Variants in CSMD1 observed in about 807,000 individuals in gnomAD.
CSMD1 encodes the protein CUB and Sushi multiple domains 1, also known as CUB and sushi domain-containing protein 1.
In CSMD1, 213 loss-of-function variants were observed where a neutral mutation model predicts 417.5. That is an observed-to-expected ratio of 0.51 (90% CI 0.46 to 0.57). The LOEUF (loss-of-function observed/expected upper bound fraction) is 0.57. Among genes scored for constraint, CSMD1 ranks in the 20% least tolerant of loss-of-function variants. CSMD1 has a pLI of 0.00. For synonymous variants in CSMD1, 2,862 were observed against 1,736.8 expected (o/e 1.65, Z -16.11); for missense variants, 6,923 against 4,529.7 (o/e 1.53, Z -15.17).
chr8:3,552,453 G>T (rs893423212), intron 10 of CSMD1, among the ~76,000 whole-genome samples: 1 of 152,186 alleles, frequency 6.6e-6, no homozygotes, highest in Non-Finnish European at 1.5e-5. Context: ...TTGTTAGGCA[G>T]TTATAAAGCT....
In CSMD1 at chr8:3,315,078, C is replaced by G. The variant is rs1221308351; in HGVS notation, c.3632-6575G>C. On this transcript the variant is annotated intron_variant, in intron 23 of 69. Coordinates refer to ENST00000635120, the MANE Select transcript of CSMD1 (RefSeq NM_033225.6). ...TGAAGTATTTACAAAAACATACTAT[C>G]TATCTGTTAATTTTACCTAAGACAT... is the stretch of plus-strand genomic sequence containing the variant. 5.3e-5 allele frequency among the ~76,000 whole-genome samples: 8 copies of G among 152,266 alleles called. No individual in the cohort carries two copies. In the East Asian group the frequency reaches 9.6e-4, roughly 18 times the overall value.
intron 10 of CSMD1, among the ~76,000 whole-genome samples, chr8:3,562,417 A>T (rs13273781): frequency 6.9e-6 from 1 of 145,330 alleles, no homozygotes; most frequent in Non-Finnish European, 1.5e-5. Flanking sequence ...CACATGCACA[A>T]ACACACATGC....
intron 1 of CSMD1, among the ~76,000 whole-genome samples, chr8:4,930,816 T>A (rs890443565): frequency 2.0e-5 from 3 of 152,220 alleles, no homozygotes; most frequent in Non-Finnish European, 2.9e-5. Flanking sequence ...TACATTTATT[T>A]GATGTGTGAC....
intron 5 of CSMD1, among the ~76,000 whole-genome samples, chr8:3,766,206 C>T (rs747429170): frequency 6.8e-4 from 103 of 152,176 alleles, no homozygotes; most frequent in Non-Finnish European, 3.5e-4. Context: ...GAGGCCAGCA[C>T]AGTGGTGCGC....
intron 1 of CSMD1, among the ~76,000 whole-genome samples, chr8:4,898,810 T>C (rs1055735460): frequency 3.3e-5 from 5 of 152,172 alleles, no homozygotes; most frequent in Non-Finnish European, 7.3e-5. Flanking sequence ...ATATTTATAT[T>C]TTCTATTAAT....
At chr8:4,053,105 G>C (rs2740887) in intron 3 of CSMD1, among the ~76,000 whole-genome samples, 1 of 152,048 alleles carries the variant, frequency 6.6e-6, no homozygotes, top group African/African-American at 2.4e-5. Flanking sequence ...GGGCTGATAC[G>C]AGGACCCCTT....
intron 10 of CSMD1, among the ~76,000 whole-genome samples, chr8:3,564,372 A>T (rs1229299273): frequency 6.6e-6 from 1 of 152,150 alleles, no homozygotes; most frequent in Non-Finnish European, 1.5e-5. Context: ...TCCTACACAA[A>T]CCTAGACATT....
intron 2 of CSMD1, among the ~76,000 whole-genome samples, chr8:4,550,329 GCACACACACACACA>G (rs35196172): frequency 4.3e-5 from 6 of 139,712 alleles, no homozygotes; most frequent in Admixed American, 1.5e-4. Context: ...ATACACACAC[GCACACACACACACA>G]CACACACACA....
intron 21 of CSMD1, among the ~76,000 whole-genome samples, chr8:3,349,354 A>G (rs1313603489): frequency 3.3e-5 from 5 of 152,192 alleles, no homozygotes; most frequent in Non-Finnish European, 7.3e-5. Flanking sequence ...TCCACTTGCC[A>G]GCAGGAAGTT....
At chr8:3,291,138 C>T (rs1351149405) in intron 25 of CSMD1, among the ~76,000 whole-genome samples, 5 of 152,068 alleles carry the variant, frequency 3.3e-5, no homozygotes, top group South Asian at 2.1e-4. Flanking sequence ...TATTGATTTT[C>T]GTATGTTGAA....
At chr8:3,657,612 G>A (rs1798194601) in intron 7 of CSMD1, among the ~76,000 whole-genome samples, 1 of 152,020 alleles carries the variant, frequency 6.6e-6, no homozygotes, top group African/African-American at 2.4e-5. Flanking sequence ...ACCAAACACT[G>A]CATATTCTCA....
intron 6 of CSMD1, among the ~76,000 whole-genome samples, chr8:3,728,377 C>T (rs1802621342): frequency 6.6e-6 from 1 of 152,170 alleles, no homozygotes; most frequent in Admixed American, 6.5e-5. Context: ...TTATCAATTA[C>T]CCAGTATTGG....
Position 4,310,595 on chromosome 8 carries a change from G to A in CSMD1, c.415+109358C>T, listed in dbSNP as rs115033097. ...ATTTTTGAAAGTTTTCATAGCTCTC[G>A]ATGATGTTAAATCAACATGGTATGT... On this transcript the variant is annotated intron_variant, in intron 3 of 69. Coordinates refer to ENST00000635120, the MANE Select transcript of CSMD1 (RefSeq NM_033225.6). Among the ~76,000 whole-genome samples, 520 of 152,120 alleles carry A rather than the reference G, an allele frequency of 3.4e-3. 1 individual carries two copies. Among genetic ancestry groups the A allele is most frequent in the African/African-American group, 0.012 (479 of 41,482 alleles).
At chr8:4,414,324 A>G (rs1414037348) in intron 3 of CSMD1, among the ~76,000 whole-genome samples, 1 of 152,156 alleles carries the variant, frequency 6.6e-6, no homozygotes, top group Non-Finnish European at 1.5e-5. Flanking sequence ...ACTTCCTGAA[A>G]CCCGAAGAAA....
intron 3 of CSMD1, among the ~76,000 whole-genome samples, chr8:4,244,423 G>T (rs1359849345): frequency 6.6e-6 from 1 of 152,034 alleles, no homozygotes; most frequent in Non-Finnish European, 1.5e-5. Flanking sequence ...TAGAAAAGCA[G>T]GCCTGTATAT....
At chr8:3,539,686 A>G (rs1798356599) in intron 10 of CSMD1, among the ~76,000 whole-genome samples, 1 of 151,998 alleles carries the variant, frequency 6.6e-6, no homozygotes. Flanking sequence ...GAACCAAATC[A>G]AGTGTGGGAT....
At chr8:4,262,632 C>G (rs1394485) in intron 3 of CSMD1, among the ~76,000 whole-genome samples, 5 of 152,020 alleles carry the variant, frequency 3.3e-5, no homozygotes, top group Non-Finnish European at 4.4e-5. Context: ...GCCATCGCCA[C>G]CCAGTTAGCC....
rs1310609274 is a variant in CSMD1 at position 3,451,024 on chromosome 8, G to C, written c.1561+17688C>G. 3.3e-5 allele frequency among the ~76,000 whole-genome samples: 5 copies of C among 152,166 alleles called. No homozygotes were observed. The East Asian group carries it at 9.7e-4, about 29-fold the overall frequency. On this transcript the variant is annotated intron_variant, in intron 12 of 69. Coordinates refer to ENST00000635120, the MANE Select transcript of CSMD1 (RefSeq NM_033225.6). ...CTGCCATTCTAACTGGTGTGAGATG[G>C]TGTCTCATTGTGGTTTTGATTTGCA...
At chr8:4,393,296 G>C (rs1458169493) in intron 3 of CSMD1, among the ~76,000 whole-genome samples, 2 of 152,080 alleles carry the variant, frequency 1.3e-5, no homozygotes, top group Non-Finnish European at 2.9e-5. Flanking sequence ...TTTTTAATTA[G>C]GTGCTTTAGA....
Sources: allele counts gnomAD v4.1 joint callset (sites outside exome capture counted in the v4.1 genomes callset), GRCh38; gene constraint gnomAD v4.1.1; transcripts MANE v1.5; gene names NCBI Gene and HGNC (gene_info 2026-07-23, HGNC 2026-07-21).